LRP11: variants seen among roughly 807,000 people sequenced by gnomAD.
LRP11 encodes the protein LDL receptor related protein 11.
A neutral mutation model predicts 43.1 loss-of-function variants in LRP11; 25 were observed. The observed-to-expected ratio is 0.58, with a 90% CI of 0.42 to 0.81. LRP11 has a LOEUF of 0.81. LRP11 is among the 30% of genes least tolerant of loss of function. The pLI is 0.00. For synonymous variants in LRP11, 316 were observed against 299.4 expected (o/e 1.06, Z -0.57); for missense variants, 623 against 665.1 (o/e 0.94, Z 0.70).
At chr6:149,821,973 A>C (rs1776283186) in intron 6 of LRP11, among the ~76,000 whole-genome samples, 1 of 152,216 alleles carries the variant, frequency 6.6e-6, no homozygotes, top group Non-Finnish European at 1.5e-5. Context: ...TTATAGCTTA[A>C]ATCACTGAAT....
chr6:149,833,983 C>A (rs542966619), intron 5 of LRP11, among the ~76,000 whole-genome samples: 2 of 152,082 alleles, frequency 1.3e-5, no homozygotes. Context: ...AGGTATTAAG[C>A]CCAGCATCCA....
intron 2 of LRP11, among the ~76,000 whole-genome samples, chr6:149,850,533 A>G (rs922092222): frequency 4.6e-5 from 7 of 152,212 alleles, no homozygotes; most frequent in Admixed American, 2.0e-4. Flanking sequence ...GAATCTGAAG[A>G]CTACACATAT....
chr6:149,843,012 G>A lies in LRP11; in HGVS notation c.884C>T (p.Thr295Ile), dbSNP rs140661757. The change falls in exon 3 of 7, where the codon ACA (threonine) becomes ATA (isoleucine). Residue 295 changes from threonine (T) to isoleucine (I), a missense_variant. Transcript: ENST00000239367. Reference sequence around the variant, plus strand: ...TGTGGAGTAGGCTGCGCGAAGCACTGTCACTGACACGTTGTCAGAGCTTCT... The same window carrying A: ...TGTGGAGTAGGCTGCGCGAAGCACTATCACTGACACGTTGTCAGAGCTTCT... ...GQRSSDNVSV[T>I]VLRAAYSTGG... 528 of 1,614,224 alleles carry A rather than the reference G, an allele frequency of 3.3e-4. 5 individuals carry two copies. The African/African-American group carries it at 6.5e-3, about 20-fold the overall frequency.
chr6:149,853,784 T>G (rs766722140), intron 1 of LRP11, among the ~76,000 whole-genome samples: 4 of 152,222 alleles, frequency 2.6e-5, no homozygotes, highest in Non-Finnish European at 5.9e-5. Context: ...AGTGCTGGGA[T>G]TAGCAGCGTG....
At chr6:149,826,946 T>G (rs1776348200) in intron 5 of LRP11, among the ~76,000 whole-genome samples, 1 of 150,410 alleles carries the variant, frequency 6.6e-6, no homozygotes, top group African/African-American at 2.5e-5. Flanking sequence ...GTTATAATAC[T>G]GAGGGGGAAA....
rs546247026 is a variant in LRP11 at position 149,827,210 on chromosome 6, C to T, written c.1253-851G>A. On this transcript the variant is annotated intron_variant, in intron 5 of 6. Coordinates refer to ENST00000239367, the MANE Select transcript of LRP11 (RefSeq NM_032832.6). The surrounding 1 kb of genome is among the most constrained non-coding windows in gnomAD (Gnocchi z 4.2). ...CAAGTGATCCGCTCACCTCAGCCTCCCAAAGTGCTGGGATGACAGGCGTGA... is the reference window on the plus strand; with the variant it reads ...CAAGTGATCCGCTCACCTCAGCCTCTCAAAGTGCTGGGATGACAGGCGTGA... 6.6e-6 allele frequency among the ~76,000 whole-genome samples: 1 copy of T among 152,198 alleles called. No homozygotes were observed. Among genetic ancestry groups the T allele is most frequent in the South Asian group, 2.1e-4 (1 of 4,818 alleles).
At chr6:149,844,705 C>T (rs577902799) in intron 2 of LRP11, among the ~76,000 whole-genome samples, 104 of 152,288 alleles carry the variant, frequency 6.8e-4, no homozygotes, top group Non-Finnish European at 1.3e-3. Context: ...TAATAATGGA[C>T]TTTGGAAATT....
chr6:149,823,120 G>T (rs1460168076), intron 6 of LRP11, among the ~76,000 whole-genome samples: 2 of 152,132 alleles, frequency 1.3e-5, no homozygotes, highest in South Asian at 4.1e-4. Flanking sequence ...GAGGACAACC[G>T]CTATAGTAGG....
At chr6:149,826,495 C>G in intron 5 of LRP11, 136 bp from the exon 6 acceptor site, 1 of 622,010 alleles carries the variant, frequency 1.6e-6, no homozygotes, top group South Asian at 2.0e-5. Flanking sequence ...AAACAAAGGC[C>G]TATGTTTGAT....
At chr6:149,831,047 G>A (rs763392145) in intron 5 of LRP11, among the ~76,000 whole-genome samples, 1 of 152,176 alleles carries the variant, frequency 6.6e-6, no homozygotes, top group Non-Finnish European at 1.5e-5. Flanking sequence ...GTGGCGAATC[G>A]AAACAAAACA....
In LRP11 at chr6:149,863,535, G is replaced by A. The variant is rs1300153720; in HGVS notation, c.486C>T (p.Leu162=). ...TGCGGCCGCGCGCCGTGCAGTTGAA[G>A]AGGTAGCAGCCGAGCACGGCTGCCG... ...APPAAVLGCY[L]FNCTARGRNV... is the part of the protein sequence containing the mutation. Residue 162 remains leucine (L), a synonymous_variant, in exon 1 of 7, where the codon CTC becomes CTT. Transcript: ENST00000239367. The A allele has an allele frequency of 1.5e-6, 2 of 1,359,718 alleles. No individual in the cohort carries two copies. 84.2% of individuals were successfully genotyped at this position (1,359,718 alleles called of 1,614,324 possible). A position where few individuals can be genotyped will look rare whatever the true frequency, so the allele number is the denominator to read the frequency against.
chr6:149,829,261 T>C (rs947417117), intron 5 of LRP11, among the ~76,000 whole-genome samples: 1 of 152,114 alleles, frequency 6.6e-6, no homozygotes, highest in African/African-American at 2.4e-5. Flanking sequence ...TCCTACTTTT[T>C]AAAAATAATA....
chr6:149,844,072 G>T (rs1049369477), intron 2 of LRP11, among the ~76,000 whole-genome samples: 5 of 152,128 alleles, frequency 3.3e-5, no homozygotes, highest in African/African-American at 1.2e-4. Flanking sequence ...GGCCAACATG[G>T]TGAGACCCCA....
chr6:149,832,191 C>CT (rs5880854), intron 5 of LRP11, among the ~76,000 whole-genome samples: 51,789 of 130,004 alleles, frequency 0.4, 12,957 homozygotes, highest in East Asian at 0.88. Flanking sequence ...TGAGCTAAGT[C>CT]TTTTTTTTTT....
chr6:149,847,086 C>T (rs537138319), intron 2 of LRP11, among the ~76,000 whole-genome samples: 9 of 152,254 alleles, frequency 5.9e-5, no homozygotes, highest in African/African-American at 2.2e-4. Context: ...CACCCTGTGC[C>T]AGAGCTCCCT....
At chr6:149,833,522 G>A (rs1448330777) in intron 5 of LRP11, among the ~76,000 whole-genome samples, 1 of 152,164 alleles carries the variant, frequency 6.6e-6, no homozygotes, top group Non-Finnish European at 1.5e-5. Context: ...GCATTATCCT[G>A]CTTTTGTTAA....
chr6:149,861,964 A>G (rs1259162502), intron 1 of LRP11, among the ~76,000 whole-genome samples: 1 of 152,332 alleles, frequency 6.6e-6, no homozygotes, highest in East Asian at 1.9e-4. Context: ...GAGAACACAG[A>G]GAAAAGACTT....
At chr6:149,842,451 A>T in intron 3 of LRP11, 1 of 601,048 alleles carries the variant, frequency 1.7e-6, no homozygotes, top group South Asian at 2.1e-5. Flanking sequence ...CAGACAATAC[A>T]TTATCATTAA....
chr6:149,859,558 G>A (rs957609037), intron 1 of LRP11, among the ~76,000 whole-genome samples: 3 of 151,256 alleles, frequency 2.0e-5, no homozygotes, highest in Non-Finnish European at 4.4e-5. Flanking sequence ...AACAAACCAG[G>A]CTAATTTTTC....
Sources: gnomAD v4.1 joint callset for allele counts (sites outside exome capture counted in the v4.1 genomes callset) on GRCh38, gnomAD v4.1.1 for gene constraint, Gnocchi (gnomAD v3.1) non-coding constraint, MANE v1.5 for transcripts, NCBI Gene and HGNC (gene_info 2026-07-23, HGNC 2026-07-21) for gene names.